Variants in THAP8 observed in about 807,000 individuals in gnomAD.
THAP8 encodes THAP domain containing 8, also known as THAP domain-containing protein 8.
THAP8 carries 24 observed loss-of-function variants against 25.0 expected under a neutral mutation model. That is an observed-to-expected ratio of 0.96 (90% CI 0.69 to 1.35). The LOEUF is 1.35. Ranked by LOEUF, THAP8 falls within the 40% of genes most tolerant of loss-of-function variation. THAP8 has a pLI of 0.00. For missense variants in THAP8, 399 were observed against 368.8 expected (o/e 1.08, Z -0.67); for synonymous variants, 169 against 157.6 (o/e 1.07, Z -0.54).
chr19:36,035,443 T>G lies in THAP8; in HGVS notation c.822A>C (p.Ala274=). The change falls in exon 4 of 4, where the codon GCA becomes GCC. Residue 274 remains alanine, a synonymous_variant. Coordinates refer to ENST00000292894, the MANE Select transcript of THAP8 (RefSeq NM_152658.3). ...TCGACATTGTCTGTCTTGATCCTTA[T>G]GCACTGGGGATCCGAGTGTCCAGGA... ...PELLDTRIPS[A] is the part of the protein sequence containing the mutation. 1 of 1,613,692 alleles carries G rather than the reference T, an allele frequency of 6.2e-7. No homozygotes were observed. Among genetic ancestry groups the G allele is most frequent in the Non-Finnish European group, 8.5e-7 (1 of 1,179,686 alleles).
At chr19:36,052,758 T>G (rs147979524) in intron 1 of THAP8, among the ~76,000 whole-genome samples, 4 of 152,352 alleles carry the variant, frequency 2.6e-5, no homozygotes, top group Non-Finnish European at 5.9e-5. Flanking sequence ...CAAAGTGACT[T>G]AGCTCCTCCA....
Position 36,048,865 on chromosome 19 carries a change from CAAAA to C in THAP8, c.83+5266_83+5269del, listed in dbSNP as rs1020228535. Among the ~76,000 whole-genome samples the C allele has an allele frequency of 1.2e-4, 15 of 120,340 alleles. No homozygotes were observed. The South Asian group carries it at 1.3e-3, about 10-fold the overall frequency. The allele number at this position is 120,340 out of a possible 152,430, so 78.9% of individuals were successfully genotyped here. ...TTAAAAAAAAAAAAAAACAAAAAAA[CAAAA>C]AACACCTTTGTTGTAGTAAGCCACT... On this transcript the variant is annotated intron_variant, in intron 1 of 3. Transcript: ENST00000292894.
chr19:36,039,543 A>G lies in THAP8; in HGVS notation c.452T>C (p.Leu151Pro). ...KTVATMLLTP[L>P]APAPTPERSQ... is the part of the protein sequence containing the mutation. ...CCGCTCAGGAGTTGGCGCAGGGGCC[A>G]GGGGGGTCAGGAGCATGGTGGCCAC... Residue 151 changes from leucine (L) to proline (P), a missense_variant, in exon 3 of 4, where the codon CTG becomes CCG. By Grantham distance (98) the Leu-to-Pro change is moderately conservative. Transcript: ENST00000292894. 1 of 1,535,932 alleles carries G rather than the reference A, an allele frequency of 6.5e-7. No individual in the cohort carries two copies. Among genetic ancestry groups the G allele is most frequent in the Non-Finnish European group, 8.8e-7 (1 of 1,137,314 alleles).
intron 1 of THAP8, among the ~76,000 whole-genome samples, chr19:36,051,976 C>A (rs962812163): frequency 6.6e-6 from 1 of 152,076 alleles, no homozygotes; most frequent in Non-Finnish European, 1.5e-5. Flanking sequence ...GAGTGTGAAT[C>A]CTATTCTGAA....
chr19:36,050,180 CG>C (rs1311835182), intron 1 of THAP8, among the ~76,000 whole-genome samples: 6 of 152,224 alleles, frequency 3.9e-5, no homozygotes, highest in Admixed American at 3.9e-4. Flanking sequence ...AGGTCTCACA[CG>C]GTTGCCCAGG....
chr19:36,035,790 G>A (rs1969416672), intron 3 of THAP8, among the ~76,000 whole-genome samples, 198 bp from the exon 4 acceptor site: 1 of 152,004 alleles, frequency 6.6e-6, no homozygotes, highest in Admixed American at 6.6e-5. Flanking sequence ...AGGAAAGAAG[G>A]GTGGGGAAAT....
At chr19:36,044,560 G>C (rs750142154) in intron 1 of THAP8, among the ~76,000 whole-genome samples, 1 of 152,112 alleles carries the variant, frequency 6.6e-6, no homozygotes, top group Non-Finnish European at 1.5e-5. Context: ...CACGATCATG[G>C]CTCACTGTAG....
At chr19:36,045,685 A>AG (rs1969855322) in intron 1 of THAP8, 1 of 454,512 alleles carries the variant, frequency 2.2e-6, no homozygotes, top group Non-Finnish European at 4.4e-6. Flanking sequence ...TTTTAATAAG[A>AG]GGGAGGAGAA....
intron 1 of THAP8, among the ~76,000 whole-genome samples, chr19:36,050,078 A>C (rs1056721657): frequency 1.3e-5 from 2 of 148,348 alleles, no homozygotes; most frequent in East Asian, 4.0e-4. Context: ...AAAAAAGATG[A>C]TGGCAGCCTG....
intron 1 of THAP8, among the ~76,000 whole-genome samples, chr19:36,053,544 T>C (rs1970151909): frequency 7.0e-6 from 1 of 142,304 alleles, no homozygotes; most frequent in African/African-American, 2.6e-5. Flanking sequence ...GACAAAGCGA[T>C]CTTGTCTCAA....
chr19:36,052,127 C>A (rs1038502629), intron 1 of THAP8, among the ~76,000 whole-genome samples: 4 of 152,090 alleles, frequency 2.6e-5, no homozygotes, highest in Admixed American at 2.6e-4. Context: ...TCACTGCAAC[C>A]TCTGCCTCCT....
chr19:36,035,707 CAG>C (rs1266807434), intron 3 of THAP8, 115 bp from the exon 4 acceptor site: 13 of 1,215,860 alleles, frequency 1.1e-5, no homozygotes, highest in South Asian at 1.4e-5. Context: ...TGTCAGGAAA[CAG>C]AGAGAGATGT....
At chr19:36,046,279 TAA>T (rs1365608072) in intron 1 of THAP8, among the ~76,000 whole-genome samples, 1 of 152,226 alleles carries the variant, frequency 6.6e-6, no homozygotes, top group Non-Finnish European at 1.5e-5. Context: ...ACCATGATTG[TAA>T]GTTTCCTGAG....
chr19:36,048,201 G>C (rs1282427538), intron 1 of THAP8, among the ~76,000 whole-genome samples: 1 of 152,154 alleles, frequency 6.6e-6, no homozygotes, highest in African/African-American at 2.4e-5. Context: ...AGATACTGTA[G>C]AGTAGGACCA....
intron 1 of THAP8, chr19:36,046,111 A>G (rs1044252062): frequency 1.4e-5 from 5 of 357,454 alleles, no homozygotes; most frequent in Non-Finnish European, 2.7e-5. Flanking sequence ...GAGGGACATG[A>G]TGGGAGGTGA....
At chr19:36,049,312 C>A (rs1376895925) in intron 1 of THAP8, among the ~76,000 whole-genome samples, 1 of 151,950 alleles carries the variant, frequency 6.6e-6, no homozygotes, top group Non-Finnish European at 1.5e-5. Flanking sequence ...CTGCATTGAG[C>A]CATGATCGCA....
chr19:36,052,085 G>A (rs577191062), intron 1 of THAP8, among the ~76,000 whole-genome samples: 9 of 150,980 alleles, frequency 6.0e-5, no homozygotes, highest in South Asian at 2.1e-4. Context: ...TCACTCTGTC[G>A]CCAGGCTGGA....
chr19:36,039,500 AG>A lies in THAP8; in HGVS notation c.494del (p.Pro165LeufsTer60). 1 of 1,581,936 alleles carries A rather than the reference AG, an allele frequency of 6.3e-7. No individual in the cohort carries two copies. Among genetic ancestry groups the A allele is most frequent in the South Asian group, 1.1e-5 (1 of 87,714 alleles). ...PTPERSQPEV[P>X]AQQAQTGLGP... ...CCAGCCCGGTCTGGGCCTGTTGGGC[AG>A]GGACTTCAGGTTGTGACCGCTCAGG... On this transcript the variant is annotated frameshift_variant, in exon 3 of 4. Coordinates refer to ENST00000292894, the MANE Select transcript of THAP8 (RefSeq NM_152658.3). LOFTEE classifies it high-confidence loss of function.
At chr19:36,050,982 A>C (rs1185411256) in intron 1 of THAP8, among the ~76,000 whole-genome samples, 1 of 152,204 alleles carries the variant, frequency 6.6e-6, no homozygotes, top group Non-Finnish European at 1.5e-5. Flanking sequence ...GGAAAGAAGA[A>C]AGACAAAGAA....
Sources: allele counts gnomAD v4.1 joint callset (sites outside exome capture counted in the v4.1 genomes callset), GRCh38; gene constraint gnomAD v4.1.1; transcripts MANE v1.5; gene names NCBI Gene and HGNC (gene_info 2026-07-23, HGNC 2026-07-21).